Variants in MIER1 observed in about 807,000 individuals in gnomAD.
MIER1 encodes MIER1 transcriptional regulator.
In MIER1, 40 loss-of-function variants were observed where a neutral mutation model predicts 75.7. The observed-to-expected ratio is 0.53, with a 90% CI of 0.41 to 0.69. The LOEUF (loss-of-function observed/expected upper bound fraction) is 0.69, where lower values mean the gene tolerates loss of function less well. Among genes scored for constraint, MIER1 ranks in the 30% least tolerant of loss-of-function variants. MIER1 has a pLI of 0.00. For synonymous variants in MIER1, 213 were observed against 223.4 expected (o/e 0.95, Z 0.42); for missense variants, 574 against 680.2 (o/e 0.84, Z 1.74).
At chr1:66,952,042 A>G (rs1490718766) in intron 4 of MIER1, among the ~76,000 whole-genome samples, 2 of 152,242 alleles carry the variant, frequency 1.3e-5, no homozygotes, top group East Asian at 3.8e-4. Flanking sequence ...CGCTTAACAT[A>G]ATATTTGGCA....
At chr1:66,930,319 A>G in intron 2 of MIER1, 1 of 1,586,980 alleles carries the variant, frequency 6.3e-7, no homozygotes, top group East Asian at 2.4e-5. Flanking sequence ...CCCGTTGCTG[A>G]GTCTCACATC....
At chr1:66,948,796 G>A (rs1658249787) in intron 4 of MIER1, among the ~76,000 whole-genome samples, 1 of 152,172 alleles carries the variant, frequency 6.6e-6, no homozygotes, top group Non-Finnish European at 1.5e-5. Flanking sequence ...CACTTCATGA[G>A]GCTCAGGTGG....
At chr1:66,951,459 CACCTT>C (rs1658927991) in intron 4 of MIER1, among the ~76,000 whole-genome samples, 1 of 152,136 alleles carries the variant, frequency 6.6e-6, no homozygotes, top group Non-Finnish European at 1.5e-5. Context: ...CCATTTCTCC[CACCTT>C]CAGCCAGCCT....
At chr1:66,957,555 T>TA in intron 4 of MIER1, among the ~76,000 whole-genome samples, 1 of 151,836 alleles carries the variant, frequency 6.6e-6, no homozygotes, top group Non-Finnish European at 1.5e-5. Flanking sequence ...TAGTCCATTA[T>TA]CATTTCTGTA....
chr1:66,982,058 T>G, intron 13 of MIER1, 140 bp downstream of exon 13: 1 of 768,374 alleles, frequency 1.3e-6, no homozygotes, highest in Non-Finnish European at 2.1e-6. Flanking sequence ...AAACATAACA[T>G]CAGCATACAT....
intron 2 of MIER1, among the ~76,000 whole-genome samples, chr1:66,937,910 T>TCCA (rs1655293781): frequency 1.3e-5 from 2 of 152,198 alleles, no homozygotes; most frequent in African/African-American, 2.4e-5. Context: ...AGTAAAATAC[T>TCCA]AAAATATGTA....
At chr1:66,951,727 A>G (rs1487216809) in intron 4 of MIER1, among the ~76,000 whole-genome samples, 2 of 152,150 alleles carry the variant, frequency 1.3e-5, no homozygotes, top group South Asian at 2.1e-4. Flanking sequence ...CTGCAAGTGC[A>G]TGCCACCGTG....
intron 11 of MIER1, among the ~76,000 whole-genome samples, chr1:66,975,637 G>A (rs917853193): frequency 1.3e-5 from 2 of 151,938 alleles, no homozygotes; most frequent in African/African-American, 4.8e-5. Flanking sequence ...CAGTTCTCCC[G>A]GCTAAGTAAC....
intron 2 of MIER1, among the ~76,000 whole-genome samples, chr1:66,939,708 A>C (rs956649361): frequency 6.6e-6 from 1 of 152,148 alleles, no homozygotes; most frequent in African/African-American, 2.4e-5. Flanking sequence ...GAAAATTCCA[A>C]GATCTAAAAT....
chr1:66,937,473 T>C (rs1655181753), intron 2 of MIER1, among the ~76,000 whole-genome samples: 1 of 152,008 alleles, frequency 6.6e-6, no homozygotes, highest in African/African-American at 2.4e-5. Flanking sequence ...TAATCCCAGC[T>C]ACTTGGTAGG....
chr1:66,947,978 T>C (rs1658068928), intron 4 of MIER1: 1 of 985,164 alleles, frequency 1.0e-6, no homozygotes, highest in African/African-American at 1.7e-5. Flanking sequence ...GTCCCCTAAT[T>C]AGGTTTTAAT....
intron 11 of MIER1, 79 bp downstream of exon 11, chr1:66,973,070 A>G: frequency 1.3e-6 from 1 of 763,264 alleles, no homozygotes; most frequent in Non-Finnish European, 2.3e-6. Context: ...AATTTGTTAT[A>G]TTGTCTAGTG....
At chr1:66,959,572 G>T in intron 6 of MIER1, 107 bp from the exon 7 acceptor site, 1 of 566,984 alleles carries the variant, frequency 1.8e-6, no homozygotes, top group East Asian at 3.2e-5. Flanking sequence ...TAATTCATTA[G>T]ATATCTTTGA....
Position 66,945,384 on chromosome 1 carries a change from G to T in MIER1, c.194-766G>T, listed in dbSNP as rs1340417119. Among the ~76,000 whole-genome samples, 4 of 150,974 alleles carry T rather than the reference G, an allele frequency of 2.6e-5. No homozygotes were observed. The East Asian group carries it at 7.8e-4, about 29-fold the overall frequency. On this transcript the variant is annotated intron_variant, in intron 3 of 13. Transcript: ENST00000401041. ...GTGTTGTTTGGGGAATAATGACAAGGAAAAACGCCTGTACGTGTTGAAGAC... is the reference window on the plus strand; with the variant it reads ...GTGTTGTTTGGGGAATAATGACAAGTAAAAACGCCTGTACGTGTTGAAGAC...
intron 11 of MIER1, among the ~76,000 whole-genome samples, chr1:66,975,556 T>A (rs1325220233): frequency 6.6e-6 from 1 of 151,788 alleles, no homozygotes; most frequent in Non-Finnish European, 1.5e-5. Flanking sequence ...GGAAAAAAGT[T>A]ATCAGTATTT....
intron 8 of MIER1, 123 bp downstream of exon 8, chr1:66,963,283 GT>G: frequency 1.7e-6 from 1 of 592,630 alleles, no homozygotes; most frequent in South Asian, 2.4e-5. Context: ...AACCCCATTG[GT>G]TTGTGAAAGA....
intron 4 of MIER1, chr1:66,948,230 T>A (rs1658119104): frequency 1.1e-6 from 1 of 939,890 alleles, no homozygotes; most frequent in Non-Finnish European, 1.3e-6. Context: ...TCTAATAAAA[T>A]ATATCATGCA....
Position 66,963,154 on chromosome 1 carries a change from G to A in MIER1, c.766G>A (p.Glu256Lys), listed in dbSNP as rs747799529. The change falls in exon 8 of 14, where the codon GAA becomes AAA. Residue 256 changes from glutamate to lysine, a missense_variant. By Grantham distance (56) the Glu-to-Lys change is moderately conservative. This residue lies in a region of MIER1 where 309 missense variants were observed against 352.8 expected (regional missense o/e 0.88). Coordinates refer to ENST00000401041, the MANE Select transcript of MIER1 (RefSeq NM_001077700.3). ...TGGCATTTGTAGATACAAAGAAAAT[G>A]AAAAAGGTGGGTTATTAGTAAAGTT... ...PVGICRYKEN[E>K]KVYENDDQLL... is the part of the protein sequence containing the mutation. 6.2e-7 allele frequency: 1 copy of A among 1,604,796 alleles called. No individual in the cohort carries two copies. The highest frequency in any genetic ancestry group is 8.5e-7 in the Non-Finnish European group (1 of 1,172,082).
Position 66,981,821 on chromosome 1 carries a change from A to G in MIER1, c.1272A>G (p.Ala424=). 6.2e-7 allele frequency: 1 copy of G among 1,614,030 alleles called. No homozygotes were observed. The highest frequency in any genetic ancestry group is 8.5e-7 in the Non-Finnish European group (1 of 1,179,876). ...DRLLDESESA[A]SSRAPSPPPT... ...TTCTAGACGAAAGTGAAAGTGCTGC[A>G]TCTAGTCGAGCACCATCCCCTCCCC... The change falls in exon 13 of 14, where the codon GCA becomes GCG. Residue 424 remains alanine (A), a synonymous_variant. Coordinates refer to ENST00000401041, the MANE Select transcript of MIER1 (RefSeq NM_001077700.3).
Sources: allele counts gnomAD v4.1 joint callset (sites outside exome capture counted in the v4.1 genomes callset), GRCh38; gene constraint gnomAD v4.1.1; regional missense constraint gnomAD v4.1.1; transcripts MANE v1.5; gene names NCBI Gene and HGNC (gene_info 2026-07-23, HGNC 2026-07-21).